IQANK1: variants seen among roughly 807,000 people sequenced by gnomAD.
IQANK1 encodes IQ motif and ankyrin repeat domain-containing protein 1.
IQANK1 carries 30 observed loss-of-function variants against 22.6 expected under a neutral mutation model. That is an observed-to-expected ratio of 1.33 (90% CI 0.99 to 1.80). The LOEUF (loss-of-function observed/expected upper bound fraction) is 1.80, where lower values mean the gene tolerates loss of function less well. Among genes scored for constraint, IQANK1 ranks in the 40% most tolerant of loss-of-function variants. The pLI is 0.00. For missense variants in IQANK1, 275 were observed against 235.2 expected (o/e 1.17, Z -1.11); for synonymous variants, 122 against 99.6 (o/e 1.23, Z -1.34).
intron 7 of IQANK1, among the ~76,000 whole-genome samples, chr8:143,782,196 G>T (rs1554630999): frequency 6.6e-6 from 1 of 152,190 alleles, no homozygotes; most frequent in African/African-American, 2.4e-5. Context: ...TTGTTTAGCA[G>T]CTGAAGGAGC....
intron 3 of IQANK1, among the ~76,000 whole-genome samples, chr8:143,763,582 C>T (rs1368804929): frequency 3.3e-5 from 5 of 152,170 alleles, no homozygotes; most frequent in South Asian, 2.1e-4. Flanking sequence ...CAAGCTCGCA[C>T]GAGAGCTGGT....
chr8:143,748,719 ATATATAT>A (rs1563770350), intron 3 of IQANK1, among the ~76,000 whole-genome samples: 11 of 109,480 alleles, frequency 1.0e-4, no homozygotes, highest in African/African-American at 4.2e-4. Context: ...AATATATATC[ATATATAT>A]CATATATAAA....
chr8:143,787,535 C>T (rs548829775), intron 7 of IQANK1, among the ~76,000 whole-genome samples: 2 of 152,340 alleles, frequency 1.3e-5, no homozygotes, highest in African/African-American at 2.4e-5. Context: ...CTCTCCCTCT[C>T]GTCTGCTGTG....
chr8:143,756,812 TAA>T (rs36111952), intron 3 of IQANK1, among the ~76,000 whole-genome samples: 4 of 134,256 alleles, frequency 3.0e-5, no homozygotes, highest in Admixed American at 7.5e-5. Flanking sequence ...CTAAAAAAAT[TAA>T]AAAAAAAAAA....
intron 3 of IQANK1, among the ~76,000 whole-genome samples, chr8:143,740,757 C>T (rs1274361331): frequency 6.6e-6 from 1 of 152,216 alleles, no homozygotes; most frequent in African/African-American, 2.4e-5. Context: ...CGGCACCGCC[C>T]ATCGCCTGAT....
chr8:143,768,703 T>TA (rs1554629438), intron 3 of IQANK1, among the ~76,000 whole-genome samples: 1 of 152,112 alleles, frequency 6.6e-6, no homozygotes, highest in Non-Finnish European at 1.5e-5. Flanking sequence ...TTAATCCAAG[T>TA]ATATGATAGT....
chr8:143,766,087 C>A (rs1283216477), intron 3 of IQANK1, among the ~76,000 whole-genome samples: 1 of 152,128 alleles, frequency 6.6e-6, no homozygotes, highest in Non-Finnish European at 1.5e-5. Context: ...GTAGTAGCAG[C>A]CTCTCTCTAG....
intron 3 of IQANK1, among the ~76,000 whole-genome samples, chr8:143,748,242 G>A (rs1020281615): frequency 2.1e-4 from 32 of 151,262 alleles, no homozygotes; most frequent in African/African-American, 1.2e-4. Context: ...TGATCTACCC[G>A]ACTTGGCTTC....
At chr8:143,776,790 C>T (rs957692725) in intron 7 of IQANK1, among the ~76,000 whole-genome samples, 1 of 152,044 alleles carries the variant, frequency 6.6e-6, no homozygotes, top group Non-Finnish European at 1.5e-5. Context: ...TTAATGGCTC[C>T]TATACATGGG....
chr8:143,736,067 C>T (rs1818729291), intron 2 of IQANK1, 129 bp downstream of exon 2: 2 of 633,358 alleles, frequency 3.2e-6, no homozygotes, highest in Admixed American at 2.4e-5. Context: ...TAGGGGACCT[C>T]TGAGTTGGGA....
rs926034355 is a variant in IQANK1 at position 143,774,988 on chromosome 8, G to A, written c.789+2506G>A. 6.6e-6 allele frequency among the ~76,000 whole-genome samples: 1 copy of A among 152,190 alleles called. No homozygotes were observed. The highest frequency in any genetic ancestry group is 2.4e-5 in the African/African-American group (1 of 41,446). ...ACGGATGGGAGTGGGGGCAGGAAAA[G>A]CGGGGAGAGATGGGGCCGACTGGGC... On this transcript the variant is annotated intron_variant, in intron 7 of 13. Coordinates refer to ENST00000527139, the MANE Select transcript of IQANK1 (RefSeq NM_001381874.1). The surrounding 1 kb of genome is among the most constrained non-coding windows in gnomAD (Gnocchi z 4.2).
intron 3 of IQANK1, chr8:143,745,270 A>G (rs1554627102): frequency 6.6e-6 from 1 of 152,236 alleles, no homozygotes. Context: ...TCACTGGGTC[A>G]GCAACACCCT....
chr8:143,750,965 TG>T (rs1819177078), intron 3 of IQANK1, among the ~76,000 whole-genome samples: 2 of 151,334 alleles, frequency 1.3e-5, no homozygotes, highest in Non-Finnish European at 2.9e-5. Flanking sequence ...TGTGTGTGTG[TG>T]TTTTTTTGTA....
intron 7 of IQANK1, among the ~76,000 whole-genome samples, chr8:143,781,927 T>C (rs1819802948): frequency 6.6e-6 from 1 of 152,200 alleles, no homozygotes; most frequent in African/African-American, 2.4e-5. Flanking sequence ...ATTTTAATGG[T>C]ATTGATTCTT....
chr8:143,768,276 C>T (rs1031820699), intron 3 of IQANK1, among the ~76,000 whole-genome samples: 12 of 152,212 alleles, frequency 7.9e-5, no homozygotes, highest in African/African-American at 2.4e-4. Context: ...GGTGCGGGAA[C>T]GTCTCACCGC....
At chr8:143,747,958 C>CTTTCCTTTCT (rs1819064712) in intron 3 of IQANK1, among the ~76,000 whole-genome samples, 1 of 112,798 alleles carries the variant, frequency 8.9e-6, no homozygotes, top group Non-Finnish European at 1.8e-5. Context: ...CTTTCCTTTC[C>CTTTCCTTTCT]TTTCCTTTCC....
At chr8:143,778,911 G>A (rs144808965) in intron 7 of IQANK1, among the ~76,000 whole-genome samples, 16 of 152,178 alleles carry the variant, frequency 1.1e-4, no homozygotes, top group African/African-American at 3.4e-4. Context: ...ACAGGCATGC[G>A]CCACCACGCC....
chr8:143,766,791 T>C (rs907413562), intron 3 of IQANK1, among the ~76,000 whole-genome samples: 5 of 152,246 alleles, frequency 3.3e-5, no homozygotes, highest in African/African-American at 9.6e-5. Context: ...TTCTCCCATG[T>C]GATCTTCAAC....
intron 10 of IQANK1, 57 bp from the exon 11 acceptor site, chr8:143,789,704 C>A: frequency 8.2e-7 from 1 of 1,224,104 alleles, no homozygotes; most frequent in South Asian, 4.1e-5. Flanking sequence ...GGGCAGCTGC[C>A]CTCTCCAGCC....
Sources: allele counts gnomAD v4.1 joint callset (sites outside exome capture counted in the v4.1 genomes callset), GRCh38; gene constraint gnomAD v4.1.1; non-coding constraint Gnocchi (gnomAD v3.1); transcripts MANE v1.5; gene names NCBI Gene and HGNC (gene_info 2026-07-23, HGNC 2026-07-21).